The following SYTL3 variants were observed in gnomAD, a reference collection of about 807,000 sequenced individuals.
The protein encoded by SYTL3 is synaptotagmin-like protein 3.
Under a neutral mutation model 82.1 loss-of-function variants are expected in SYTL3, and 88 were observed. The observed-to-expected ratio is 1.07, with a 90% CI of 0.90 to 1.28. The LOEUF (loss-of-function observed/expected upper bound fraction) is 1.28, where lower values mean the gene tolerates loss of function less well. SYTL3 is among the 50% of genes most tolerant of loss of function. SYTL3 has a pLI of 0.00. For synonymous variants in SYTL3, 311 were observed against 289.4 expected (o/e 1.07, Z -0.76); for missense variants, 831 against 757.6 (o/e 1.10, Z -1.14).
rs374050705 is a variant in SYTL3, at chr6:158,733,982, C to T, written c.855+8345C>T. Among the ~76,000 whole-genome samples the T allele has an allele frequency of 8.9e-3, 1,344 of 151,340 alleles. 13 individuals are homozygous for T. Among genetic ancestry groups the T allele is most frequent in the African/African-American group, 0.03 (1,240 of 41,238 alleles). On this transcript the variant is annotated intron_variant, in intron 11 of 17. Transcript: ENST00000611299. Reference sequence around the variant, plus strand: ...GCGTGATGGCGGGCGCCTGTAGTCCCAGCTACTTGGGAGGCTGAGGCAGAA... The same window carrying T: ...GCGTGATGGCGGGCGCCTGTAGTCCTAGCTACTTGGGAGGCTGAGGCAGAA...
At chr6:158,718,390 G>A (rs1245754183) in intron 10 of SYTL3, among the ~76,000 whole-genome samples, 179 bp downstream of exon 10, 1 of 152,228 alleles carries the variant, frequency 6.6e-6, no homozygotes, top group Non-Finnish European at 1.5e-5. Flanking sequence ...CCCAAGGCAG[G>A]TCAGGATTGA....
chr6:158,702,991 A>G (rs894566641), intron 6 of SYTL3, among the ~76,000 whole-genome samples: 2 of 151,696 alleles, frequency 1.3e-5, no homozygotes, highest in Non-Finnish European at 2.9e-5. Context: ...CATCTCTACT[A>G]AAAATACAAA....
At chr6:158,728,683 G>A (rs1338752399) in intron 11 of SYTL3, among the ~76,000 whole-genome samples, 3 of 151,148 alleles carry the variant, frequency 2.0e-5, no homozygotes, top group Non-Finnish European at 4.4e-5. Flanking sequence ...GCTCATGCCT[G>A]TAATCCCAGC....
chr6:158,762,840 T>C (rs573012904), intron 16 of SYTL3, among the ~76,000 whole-genome samples: 5 of 152,194 alleles, frequency 3.3e-5, no homozygotes, highest in Admixed American at 6.5e-5. Flanking sequence ...TTCCTTGAAC[T>C]TGGGGGGAGG....
At chr6:158,718,826 T>G (rs1783733450) in intron 10 of SYTL3, among the ~76,000 whole-genome samples, 1 of 152,222 alleles carries the variant, frequency 6.6e-6, no homozygotes, top group Non-Finnish European at 1.5e-5. Flanking sequence ...TGAGGTGCCT[T>G]GGCTGGGCAG....
chr6:158,717,321 T>A (rs1783540090), intron 9 of SYTL3, among the ~76,000 whole-genome samples: 1 of 146,152 alleles, frequency 6.8e-6, no homozygotes, highest in Non-Finnish European at 1.5e-5. Flanking sequence ...TTTTTTTTTT[T>A]AACTTTTTAA....
chr6:158,690,099 T>C (rs1779701640), intron 6 of SYTL3, among the ~76,000 whole-genome samples: 1 of 152,240 alleles, frequency 6.6e-6, no homozygotes, highest in African/African-American at 2.4e-5. Flanking sequence ...CCACTCTCCT[T>C]GTGCCCAGCC....
intron 5 of SYTL3, among the ~76,000 whole-genome samples, chr6:158,680,156 A>G (rs368172492): frequency 6.6e-6 from 1 of 152,184 alleles, no homozygotes; most frequent in African/African-American, 2.4e-5. Context: ...AGGCATCTTT[A>G]GAAATTGAAT....
intron 6 of SYTL3, among the ~76,000 whole-genome samples, chr6:158,695,665 A>G (rs1000905656): frequency 2.0e-5 from 3 of 152,200 alleles, no homozygotes; most frequent in South Asian, 2.1e-4. Flanking sequence ...ATTCTGCTAT[A>G]TTGAAACCCA....
upstream of SYTL3, among the ~76,000 whole-genome samples, chr6:158,649,753 T>G (rs1022365266): frequency 1.3e-5 from 2 of 152,226 alleles, no homozygotes; most frequent in Non-Finnish European, 1.5e-5. Flanking sequence ...CATTTGAATA[T>G]TTGAAGGCTG....
intron 11 of SYTL3, among the ~76,000 whole-genome samples, chr6:158,730,582 C>A (rs961946434): frequency 5.9e-5 from 9 of 152,124 alleles, no homozygotes; most frequent in African/African-American, 1.9e-4. Context: ...GGTAAGGAAT[C>A]GAGACCCACC....
At chr6:158,694,111 C>T (rs1414427369) in intron 6 of SYTL3, among the ~76,000 whole-genome samples, 5 of 152,052 alleles carry the variant, frequency 3.3e-5, no homozygotes, top group African/African-American at 4.8e-5. Context: ...AGTGTTTTCC[C>T]AGCAGATTGG....
chr6:158,649,202 T>C (rs1028338149), upstream of SYTL3, among the ~76,000 whole-genome samples: 1 of 152,208 alleles, frequency 6.6e-6, no homozygotes, highest in Non-Finnish European at 1.5e-5. Context: ...CACTACACAC[T>C]ACATCAGCAG....
Position 158,757,240 on chromosome 6 carries a change from C to T in SYTL3, c.1167C>T (p.Thr389=). Residue 389 remains threonine, a synonymous_variant, in exon 14 of 18, where the codon ACC becomes ACT. Transcript: ENST00000611299. ...AGGTGGCCCCTGCCCAGCTGGTGACCCGGCAGCTGCAGGTCTCGGTGTGGC... is the reference window on the plus strand; with the variant it reads ...AGGTGGCCCCTGCCCAGCTGGTGACTCGGCAGCTGCAGGTCTCGGTGTGGC... ...KYQVAPAQLV[T]RQLQVSVWHL... 1 of 1,611,566 alleles carries T rather than the reference C, an allele frequency of 6.2e-7. No individual in the cohort carries two copies. Among genetic ancestry groups the T allele is most frequent in the South Asian group, 1.1e-5 (1 of 91,038 alleles).
chr6:158,732,988 G>A lies in SYTL3; in HGVS notation c.855+7351G>A, dbSNP rs868179122. On this transcript the variant is annotated intron_variant, in intron 11 of 17. Transcript: ENST00000611299. ...AAAAAACACTGTAAAATCAAAAGGA[G>A]GGAATTGTAGAAAGTAAAAAGTTTC... Among the ~76,000 whole-genome samples the A allele has an allele frequency of 4.8e-4, 72 of 149,858 alleles. 1 individual carries two copies. The highest frequency in any genetic ancestry group is 3.2e-3 in the South Asian group (15 of 4,744).
intron 6 of SYTL3, among the ~76,000 whole-genome samples, chr6:158,693,857 T>TTTCTTTTCTTTTTC (rs1202706791): frequency 2.5e-5 from 3 of 122,106 alleles, no homozygotes; most frequent in African/African-American, 1.3e-4. Flanking sequence ...TTTCTTTTCT[T>TTTCTTTTCTTTTTC]TTTTTTTTTT....
intron 2 of SYTL3, among the ~76,000 whole-genome samples, chr6:158,659,323 C>T (rs1789079554): frequency 6.6e-6 from 1 of 152,136 alleles, no homozygotes; most frequent in South Asian, 2.1e-4. Flanking sequence ...CCAGAAGGAG[C>T]TGTCTGTCTA....
chr6:158,703,507 GC>G (rs1781569480), intron 6 of SYTL3, among the ~76,000 whole-genome samples: 1 of 152,228 alleles, frequency 6.6e-6, no homozygotes, highest in Non-Finnish European at 1.5e-5. Context: ...CTTTAAGGAA[GC>G]TTCTAGGAAG....
chr6:158,696,168 C>T (rs1259654717), intron 6 of SYTL3, among the ~76,000 whole-genome samples: 1 of 152,096 alleles, frequency 6.6e-6, no homozygotes, highest in East Asian at 1.9e-4. Context: ...ACAAGGGTTC[C>T]AATTTTTTCA....
Sources: allele counts gnomAD v4.1 joint callset (sites outside exome capture counted in the v4.1 genomes callset), GRCh38; gene constraint gnomAD v4.1.1; transcripts MANE v1.5; gene names NCBI Gene and HGNC (gene_info 2026-07-23, HGNC 2026-07-21).